PDE4D: variants seen among roughly 807,000 people sequenced by gnomAD.
The protein encoded by PDE4D is 3',5'-cyclic-AMP phosphodiesterase 4D.
Under a neutral mutation model 87.4 loss-of-function variants are expected in PDE4D, and 24 were observed. That is an observed-to-expected ratio of 0.27 (90% confidence interval 0.20 to 0.39). The LOEUF (loss-of-function observed/expected upper bound fraction) is 0.39. PDE4D is among the 10% of genes least tolerant of loss of function. The pLI, the probability that PDE4D is intolerant of heterozygous loss-of-function variation, is 1.00. For synonymous variants in PDE4D, 384 were observed against 383.2 expected (o/e 1.00, Z -0.02); for missense variants, 714 against 1,041.0 (o/e 0.69, Z 4.32).
At chr5:60,014,114 A>G (rs1376750344) in intron 2 of PDE4D, among the ~76,000 whole-genome samples, 1 of 146,234 alleles carries the variant, frequency 6.8e-6, no homozygotes, top group Non-Finnish European at 1.5e-5. Flanking sequence ...AAAAAAAAAA[A>G]GTCTGACCAG....
chr5:60,359,188 C>T (rs1286694759), intron 1 of PDE4D, among the ~76,000 whole-genome samples: 1 of 152,154 alleles, frequency 6.6e-6, no homozygotes, highest in Non-Finnish European at 1.5e-5. Context: ...GGGCTGATTG[C>T]TAGAGTTCAG....
At chr5:60,017,184 A>ATAG (rs1348622508) in intron 2 of PDE4D, among the ~76,000 whole-genome samples, 11 of 152,232 alleles carry the variant, frequency 7.2e-5, no homozygotes, top group Non-Finnish European at 1.6e-4. Context: ...GTAGGTCTCA[A>ATAG]TAGTGGGCTT....
chr5:59,091,785 C>T (rs181192228), intron 5 of PDE4D, among the ~76,000 whole-genome samples: 1 of 152,096 alleles, frequency 6.6e-6, no homozygotes, highest in East Asian at 1.9e-4. Context: ...TACATACTTT[C>T]TTAAATTTTG....
At chr5:59,617,237 C>G (rs962752462) in intron 1 of PDE4D, among the ~76,000 whole-genome samples, 1 of 151,914 alleles carries the variant, frequency 6.6e-6, no homozygotes, top group African/African-American at 2.4e-5. Flanking sequence ...CCTTGAAGAG[C>G]TCAATTTGGA....
At chr5:58,987,884 A>G (rs190582045) in intron 11 of PDE4D, among the ~76,000 whole-genome samples, 1 of 152,290 alleles carries the variant, frequency 6.6e-6, no homozygotes, top group African/African-American at 2.4e-5. Flanking sequence ...TTCCCTACAC[A>G]GGCTTTCTGT....
intron 5 of PDE4D, among the ~76,000 whole-genome samples, chr5:59,083,467 T>C (rs991880851): frequency 6.6e-6 from 1 of 152,084 alleles, no homozygotes; most frequent in Non-Finnish European, 1.5e-5. Flanking sequence ...TTCATATCTT[T>C]TTTACTTTTC....
At chr5:59,960,978 G>C (rs1288522476) in intron 3 of PDE4D, among the ~76,000 whole-genome samples, 2 of 152,120 alleles carry the variant, frequency 1.3e-5, no homozygotes, top group African/African-American at 4.8e-5. Context: ...TGGCACTATA[G>C]GCTCTCAATG....
At chr5:59,890,441 T>C (rs1181122899) in intron 1 of PDE4D, among the ~76,000 whole-genome samples, 1 of 152,246 alleles carries the variant, frequency 6.6e-6, no homozygotes, top group Non-Finnish European at 1.5e-5. Context: ...TTGTGATCAT[T>C]AACACCAGTT....
chr5:59,118,979 A>G (rs1200675120), intron 5 of PDE4D, among the ~76,000 whole-genome samples: 1 of 152,322 alleles, frequency 6.6e-6, no homozygotes, highest in African/African-American at 2.4e-5. Flanking sequence ...GGGAGGATAC[A>G]ATTTAAACTG....
chr5:59,881,016 A>G (rs1419477290), intron 1 of PDE4D, among the ~76,000 whole-genome samples: 1 of 152,196 alleles, frequency 6.6e-6, no homozygotes, highest in East Asian at 1.9e-4. Flanking sequence ...GTTAAAAAGG[A>G]GCATTTATGA....
chr5:59,367,438 A>G (rs1783242263), intron 1 of PDE4D, among the ~76,000 whole-genome samples: 1 of 152,190 alleles, frequency 6.6e-6, no homozygotes, highest in Non-Finnish European at 1.5e-5. Context: ...GATGACTTTT[A>G]TAATCAGAAT....
intron 1 of PDE4D, among the ~76,000 whole-genome samples, chr5:59,550,843 C>T (rs1463042805): frequency 5.9e-5 from 9 of 151,892 alleles, no homozygotes; most frequent in Non-Finnish European, 7.4e-5. Context: ...ATTACAGGCA[C>T]GTGCCACCAC....
chr5:60,517,251 G>C (rs1191462187), intron 1 of PDE4D, among the ~76,000 whole-genome samples: 1 of 152,264 alleles, frequency 6.6e-6, no homozygotes, highest in Non-Finnish European at 1.5e-5. Context: ...GGAGCTGAGA[G>C]TGGCTCAGTA....
intron 2 of PDE4D, among the ~76,000 whole-genome samples, chr5:59,205,935 C>T (rs1260588956): frequency 6.6e-6 from 1 of 152,140 alleles, no homozygotes; most frequent in Non-Finnish European, 1.5e-5. Context: ...TGTCACATCA[C>T]AACCTTCCAC....
At chr5:60,432,193 C>T (rs1191315807) in intron 1 of PDE4D, among the ~76,000 whole-genome samples, 2 of 152,106 alleles carry the variant, frequency 1.3e-5, no homozygotes, top group African/African-American at 4.8e-5. Flanking sequence ...CTATGTTCAT[C>T]AAGGATATTG....
chr5:59,165,248 C>T (rs9918111), intron 5 of PDE4D, among the ~76,000 whole-genome samples: 36,148 of 152,072 alleles, frequency 0.24, 4,563 homozygotes, highest in African/African-American at 0.29. Flanking sequence ...TTACTGTGAG[C>T]CATGCATTTT....
At chr5:60,053,485 C>T (rs1770436032) in intron 2 of PDE4D, among the ~76,000 whole-genome samples, 1 of 152,142 alleles carries the variant, frequency 6.6e-6, no homozygotes, top group Non-Finnish European at 1.5e-5. Context: ...ACTGGCTAAC[C>T]ATATGCAGGA....
chr5:60,282,208 CATATAT>C (rs140298004), intron 1 of PDE4D, among the ~76,000 whole-genome samples: 13,757 of 128,262 alleles, frequency 0.11, 1,339 homozygotes, highest in African/African-American at 0.25. Flanking sequence ...GAGAAATAAA[CATATAT>C]ATATATATAT....
intron 1 of PDE4D, among the ~76,000 whole-genome samples, chr5:60,369,494 A>G (rs967620923): frequency 3.3e-5 from 5 of 152,194 alleles, no homozygotes; most frequent in African/African-American, 7.2e-5. Flanking sequence ...TGCACAGGAC[A>G]GAACAGTGAG....
Sources: gnomAD v4.1 joint callset for allele counts (sites outside exome capture counted in the v4.1 genomes callset) on GRCh38, gnomAD v4.1.1 for gene constraint, MANE v1.5 for transcripts, NCBI Gene and HGNC (gene_info 2026-07-23, HGNC 2026-07-21) for gene names.